Variants in SLC4A10 observed in about 807,000 individuals in gnomAD.
The protein encoded by SLC4A10 is sodium-driven chloride bicarbonate exchanger.
SLC4A10 carries 42 observed loss-of-function variants against 137.7 expected under a neutral mutation model. The observed-to-expected ratio is 0.30, with a 90% CI of 0.24 to 0.39. The LOEUF (loss-of-function observed/expected upper bound fraction) is 0.39, where lower values mean the gene tolerates loss of function less well. SLC4A10 is among the 10% of genes least tolerant of loss of function. The probability of loss-of-function intolerance (pLI) is 1.00; values close to 1 mark genes in which losing one functional copy is unlikely to be tolerated. For missense variants in SLC4A10, 925 were observed against 1,355.0 expected (o/e 0.68, Z 4.98); for synonymous variants, 474 against 464.1 (o/e 1.02, Z -0.27).
intron 3 of SLC4A10, among the ~76,000 whole-genome samples, chr2:161,818,513 T>C (rs1456844001): frequency 2.6e-5 from 4 of 152,160 alleles, no homozygotes; most frequent in African/African-American, 9.7e-5. Flanking sequence ...TCCAACACTA[T>C]GTTGAATAGG....
chr2:161,769,178 G>C (rs2051260881), intron 1 of SLC4A10, among the ~76,000 whole-genome samples: 1 of 151,872 alleles, frequency 6.6e-6, no homozygotes, highest in Non-Finnish European at 1.5e-5. Flanking sequence ...AACCCCTTGA[G>C]TGACGACATT....
chr2:161,665,651 A>C (rs2038953572), intron 1 of SLC4A10, among the ~76,000 whole-genome samples: 1 of 151,728 alleles, frequency 6.6e-6, no homozygotes, highest in Non-Finnish European at 1.5e-5. Flanking sequence ...GCTATTTGAC[A>C]ACTGGAAAGA....
intron 1 of SLC4A10, among the ~76,000 whole-genome samples, chr2:161,670,695 A>C (rs1027370364): frequency 3.9e-5 from 6 of 152,090 alleles, no homozygotes; most frequent in African/African-American, 1.4e-4. Context: ...GGTCCAACCC[A>C]ATTTCCCTTT....
chr2:161,882,461 T>C lies in SLC4A10; in HGVS notation c.1194+17T>C. ...ACAGATGAGGTATTTATTCAAGTTC[T>C]TTGGGAACATTTTCCCCCATTAGGT... is the stretch of plus-strand genomic sequence containing the variant. On this transcript the variant is annotated intron_variant, in intron 10 of 26. Transcript: ENST00000446997. 2.0e-6 allele frequency: 3 copies of C among 1,528,272 alleles called. No individual in the cohort carries two copies. The highest frequency in any genetic ancestry group is 2.7e-6 in the Non-Finnish European group (3 of 1,130,138). 94.7% of individuals were successfully genotyped at this position (1,528,272 alleles called of 1,614,324 possible).
At chr2:161,883,928 T>C (rs1450479559) in intron 10 of SLC4A10, among the ~76,000 whole-genome samples, 2 of 152,186 alleles carry the variant, frequency 1.3e-5, no homozygotes, top group Admixed American at 1.3e-4. Flanking sequence ...CTTAATTACA[T>C]CTGCAAAAAT....
chr2:161,637,054 T>A, intron 1 of SLC4A10, among the ~76,000 whole-genome samples: 1 of 141,238 alleles, frequency 7.1e-6, no homozygotes, highest in African/African-American at 2.5e-5. Context: ...TATAGATATA[T>A]ATGTATATAT....
chr2:161,767,237 T>C (rs74169409), intron 1 of SLC4A10, among the ~76,000 whole-genome samples: 174 of 83,560 alleles, frequency 2.1e-3, no homozygotes, highest in African/African-American at 7.8e-3. Context: ...TATATACACA[T>C]ATATATATAT....
rs537771565 is a variant in SLC4A10, at chr2:161,889,724, A to G, written c.1195-4955A>G. On this transcript the variant is annotated intron_variant, in intron 10 of 26. Coordinates refer to ENST00000446997, the MANE Select transcript of SLC4A10 (RefSeq NM_001178015.2). ...TCTATCTATTTTGTTCATCTTTTCA[A>G]AAAACCAGCTCTTGGATTCACTGAT... Among the ~76,000 whole-genome samples the G allele has an allele frequency of 1.3e-4, 20 of 152,192 alleles. No homozygotes were observed. In the East Asian group the frequency reaches 3.9e-3, roughly 29 times the overall value.
intron 16 of SLC4A10, among the ~76,000 whole-genome samples, chr2:161,946,090 T>G (rs1192364414): frequency 1.3e-5 from 2 of 152,018 alleles, no homozygotes; most frequent in Admixed American, 1.3e-4. Flanking sequence ...TAAAGCATTT[T>G]GAAAGAAGGA....
intron 1 of SLC4A10, among the ~76,000 whole-genome samples, chr2:161,680,993 A>C (rs2040794607): frequency 6.6e-6 from 1 of 152,184 alleles, no homozygotes. Context: ...TAAGTGAGAT[A>C]TAACTTCAAT....
At position 161,883,683 on chromosome 2, in the gene SLC4A10, C is replaced by T. The variant is rs546325489; in HGVS notation, c.1194+1239C>T. On this transcript the variant is annotated intron_variant, in intron 10 of 26. Coordinates refer to ENST00000446997, the MANE Select transcript of SLC4A10 (RefSeq NM_001178015.2). Reference sequence around the variant, plus strand: ...TCGAAGTCTCTAGGGGAGGATCCTTCCTTGTCTCTTCCATATTCTGGTGGC... The same window carrying T: ...TCGAAGTCTCTAGGGGAGGATCCTTTCTTGTCTCTTCCATATTCTGGTGGC... Among the ~76,000 whole-genome samples, 190 of 152,218 alleles carry T rather than the reference C, an allele frequency of 1.2e-3. 1 individual carries two copies. Among genetic ancestry groups the T allele is most frequent in the Non-Finnish European group, 2.0e-3 (139 of 68,000 alleles).
At chr2:161,872,659 C>A (rs889043335) in intron 7 of SLC4A10, among the ~76,000 whole-genome samples, 1 of 151,452 alleles carries the variant, frequency 6.6e-6, no homozygotes, top group Non-Finnish European at 1.5e-5. Context: ...AATAACTGGG[C>A]TTCACAGGGA....
At chr2:161,656,642 G>A (rs1303034781) in intron 1 of SLC4A10, among the ~76,000 whole-genome samples, 1 of 151,910 alleles carries the variant, frequency 6.6e-6, no homozygotes, top group African/African-American at 2.4e-5. Flanking sequence ...ATATATTTTT[G>A]CATAAAAGTG....
At chr2:161,807,051 G>A (rs1182039411) in intron 3 of SLC4A10, among the ~76,000 whole-genome samples, 1 of 152,156 alleles carries the variant, frequency 6.6e-6, no homozygotes, top group Non-Finnish European at 1.5e-5. Flanking sequence ...CACATCTTAT[G>A]TGAATGGCAG....
At chr2:161,809,031 A>G (rs1464483320) in intron 3 of SLC4A10, among the ~76,000 whole-genome samples, 1 of 152,160 alleles carries the variant, frequency 6.6e-6, no homozygotes, top group Non-Finnish European at 1.5e-5. Context: ...ATTCCCACCA[A>G]CAGTGTATAA....
chr2:161,759,955 T>C (rs1203270125), intron 1 of SLC4A10, among the ~76,000 whole-genome samples: 1 of 152,026 alleles, frequency 6.6e-6, no homozygotes, highest in Non-Finnish European at 1.5e-5. Flanking sequence ...TTTATTGTCT[T>C]GTTTCTTCTG....
At chr2:161,636,165 A>T (rs2034355018) in intron 1 of SLC4A10, among the ~76,000 whole-genome samples, 1 of 152,114 alleles carries the variant, frequency 6.6e-6, no homozygotes, top group African/African-American at 2.4e-5. Context: ...TTTTTTTGAA[A>T]TTCATGCAAA....
intron 1 of SLC4A10, among the ~76,000 whole-genome samples, chr2:161,706,466 T>C (rs1176493355): frequency 6.6e-6 from 1 of 151,576 alleles, no homozygotes; most frequent in African/African-American, 2.4e-5. Flanking sequence ...TGTATCTGGA[T>C]CTATTCATTT....
rs1292958178 is a variant in SLC4A10 at position 161,984,357 on chromosome 2, T to G, written c.*1205T>G. On this transcript the variant is annotated 3_prime_UTR_variant, in exon 27 of 27. Transcript: ENST00000446997. ...TAAGGGGAGAGAAAGTTATGAAGTTTTGGACATTACTAAAAGTACAGTATT... is the reference window on the plus strand; with the variant it reads ...TAAGGGGAGAGAAAGTTATGAAGTTGTGGACATTACTAAAAGTACAGTATT... 1 of 152,182 alleles carries G rather than the reference T, an allele frequency of 6.6e-6. No homozygotes were observed. The highest frequency in any genetic ancestry group is 1.5e-5 in the Non-Finnish European group (1 of 68,008). The allele number at this position is 152,182 out of a possible 1,614,324, so 9.4% of individuals were successfully genotyped here. A position where few individuals can be genotyped will look rare whatever the true frequency, so the allele number is the denominator to read the frequency against.
Sources: allele counts gnomAD v4.1 joint callset (sites outside exome capture counted in the v4.1 genomes callset), GRCh38; gene constraint gnomAD v4.1.1; transcripts MANE v1.5; gene names NCBI Gene and HGNC (gene_info 2026-07-23, HGNC 2026-07-21).